SESTD1: variants seen among roughly 807,000 people sequenced by gnomAD.
SESTD1 encodes SEC14 and spectrin domain containing 1, also known as SEC14 domain and spectrin repeat-containing protein 1.
In SESTD1, 43 loss-of-function variants were observed where a neutral mutation model predicts 101.7. That is an observed-to-expected ratio of 0.42 (90% CI 0.33 to 0.55). The LOEUF is 0.55. Among genes scored for constraint, SESTD1 ranks in the 20% least tolerant of loss-of-function variants. SESTD1 has a pLI of 0.07. For synonymous variants in SESTD1, 283 were observed against 286.8 expected, an observed-to-expected ratio of 0.99 and a Z score of 0.13; for missense variants, 647 against 815.1, an observed-to-expected ratio of 0.79 and a Z score of 2.51.
At position 179,230,113 on chromosome 2, in the gene SESTD1, CT is replaced by C. The variant is rs71023474; in HGVS notation, c.-26+34385del. Among the ~76,000 whole-genome samples, 426 of 56,428 alleles carry C rather than the reference CT, an allele frequency of 7.5e-3. 26 individuals are homozygous for C. Among genetic ancestry groups the C allele is most frequent in the South Asian group, 0.015 (24 of 1,552 alleles). The allele number at this position is 56,428 out of a possible 152,430, so 37.0% of individuals were successfully genotyped here. A position where few individuals can be genotyped will look rare whatever the true frequency, so the allele number is the denominator to read the frequency against. Reference sequence around the variant, plus strand: ...AAATATTCCAAACTGGATTGTATCTCTTTTTTTTTTTTTTTTTTTTTTTTTT... The same window carrying C: ...AAATATTCCAAACTGGATTGTATCTCTTTTTTTTTTTTTTTTTTTTTTTTT... On this transcript the variant is annotated intron_variant, in intron 1 of 17. Transcript: ENST00000428443.
chr2:179,112,649 T>G, intron 17 of SESTD1, 75 bp downstream of exon 17: 1 of 1,458,698 alleles, frequency 6.9e-7, no homozygotes. Flanking sequence ...TTTTAAAGAA[T>G]AGATTTCCTC....
At chr2:179,154,746 A>G (rs570670545) in intron 5 of SESTD1, among the ~76,000 whole-genome samples, 2 of 152,324 alleles carry the variant, frequency 1.3e-5, no homozygotes, top group East Asian at 3.9e-4. Flanking sequence ...AAAAATGTAT[A>G]CGAGAAAGAG....
chr2:179,178,720 G>A (rs2046054484), intron 3 of SESTD1, among the ~76,000 whole-genome samples: 2 of 152,160 alleles, frequency 1.3e-5, no homozygotes, highest in Admixed American at 1.3e-4. Context: ...CTAAGACACA[G>A]CAGTCCAGGA....
At chr2:179,116,940 G>C (rs2044646449) in intron 14 of SESTD1, 150 bp from the exon 15 acceptor site, 1 of 1,124,226 alleles carries the variant, frequency 8.9e-7, no homozygotes, top group Non-Finnish European at 1.2e-6. Flanking sequence ...TCAATGATAA[G>C]CTACATGAAT....
intron 2 of SESTD1, among the ~76,000 whole-genome samples, chr2:179,189,953 T>C (rs1449888384): frequency 6.6e-6 from 1 of 152,026 alleles, no homozygotes; most frequent in Non-Finnish European, 1.5e-5. Context: ...CATCGTCATA[T>C]TTAAAATGTT....
intron 15 of SESTD1, 146 bp downstream of exon 15, chr2:179,116,522 A>C: frequency 7.8e-7 from 1 of 1,289,524 alleles, no homozygotes; most frequent in Non-Finnish European, 1.1e-6. Flanking sequence ...GTTTTGATGC[A>C]CCAGCTGACA....
At chr2:179,259,327 G>A (rs2047447068) in intron 1 of SESTD1, among the ~76,000 whole-genome samples, 1 of 152,098 alleles carries the variant, frequency 6.6e-6, no homozygotes, top group Admixed American at 6.6e-5. Context: ...CACCTCCCGG[G>A]TTCAAGCAAT....
intron 1 of SESTD1, among the ~76,000 whole-genome samples, chr2:179,201,918 TATA>T (rs147660848): frequency 0.48 from 49,109 of 103,176 alleles, 15,950 homozygotes; most frequent in East Asian, 0.66. Context: ...AAACTTAAAG[TATA>T]ATAATAATAA....
rs1018573754 is a variant in SESTD1, at chr2:179,211,182, C to T, written c.-25-19316G>A. ...TCATAGACACAAACAAATGGAAACA[C>T]ATCCCATGCTCACGGATGGATAGAA... On this transcript the variant is annotated intron_variant, in intron 1 of 17. Coordinates refer to ENST00000428443, the MANE Select transcript of SESTD1 (RefSeq NM_178123.5). 3.7e-5 allele frequency among the ~76,000 whole-genome samples: 5 copies of T among 133,512 alleles called. 2 individuals are homozygous for T. Among genetic ancestry groups the T allele is most frequent in the African/African-American group, 5.9e-5 (2 of 33,706 alleles). The allele number at this position is 133,512 out of a possible 152,430, so 87.6% of individuals were successfully genotyped here. A position where few individuals can be genotyped will look rare whatever the true frequency, so the allele number is the denominator to read the frequency against.
intron 1 of SESTD1, among the ~76,000 whole-genome samples, chr2:179,237,219 A>C (rs996078715): frequency 1.4e-5 from 2 of 146,682 alleles, no homozygotes; most frequent in Non-Finnish European, 3.1e-5. Context: ...ATCTATATGA[A>C]AGCTTCTGTG....
At chr2:179,167,502 G>T (rs1348646739) in intron 5 of SESTD1, among the ~76,000 whole-genome samples, 1 of 152,130 alleles carries the variant, frequency 6.6e-6, no homozygotes, top group East Asian at 1.9e-4. Context: ...ATTGATGACA[G>T]ACATCAAACC....
rs532316477 is a variant in SESTD1 at position 179,188,904 on chromosome 2, A to G, written c.55+2883T>C. Among the ~76,000 whole-genome samples the G allele has an allele frequency of 2.6e-5, 4 of 152,280 alleles. No individual in the cohort carries two copies. In the South Asian group the frequency reaches 8.3e-4, roughly 32 times the overall value. Reference sequence around the variant, plus strand: ...AGAAACTGAAGCCCTCAACAGCCCAATATTGAGTTCTAAAACTGAATTGGT... The same window carrying G: ...AGAAACTGAAGCCCTCAACAGCCCAGTATTGAGTTCTAAAACTGAATTGGT... On this transcript the variant is annotated intron_variant, in intron 2 of 17. Transcript: ENST00000428443.
At chr2:179,196,136 T>A (rs181946549) in intron 1 of SESTD1, among the ~76,000 whole-genome samples, 27 of 152,348 alleles carry the variant, frequency 1.8e-4, no homozygotes, top group African/African-American at 6.5e-4. Flanking sequence ...AGGCATTGCC[T>A]CACGCAGGAA....
chr2:179,221,694 G>A lies in SESTD1; in HGVS notation c.-25-29828C>T, dbSNP rs1006351498. Among the ~76,000 whole-genome samples the A allele has an allele frequency of 2.0e-5, 3 of 151,204 alleles. No homozygotes were observed. The South Asian group carries it at 6.3e-4, about 32-fold the overall frequency. On this transcript the variant is annotated intron_variant, in intron 1 of 17. Coordinates refer to ENST00000428443, the MANE Select transcript of SESTD1 (RefSeq NM_178123.5). Reference sequence around the variant, plus strand: ...GCACTTCGGAAGACCAAGGTGAGAGGACTGTATGAGCCTACGAGTTTGAGA... The same window carrying A: ...GCACTTCGGAAGACCAAGGTGAGAGAACTGTATGAGCCTACGAGTTTGAGA...
chr2:179,121,125 G>GGAAGCTTT (rs1482893279), intron 13 of SESTD1, among the ~76,000 whole-genome samples: 1 of 152,006 alleles, frequency 6.6e-6, no homozygotes, highest in Non-Finnish European at 1.5e-5. Context: ...TGATGCAGAA[G>GGAAGCTTT]GAAGCTTTCT....
chr2:179,118,151 C>T (rs1029642248), intron 13 of SESTD1, among the ~76,000 whole-genome samples: 5 of 152,070 alleles, frequency 3.3e-5, no homozygotes, highest in Non-Finnish European at 5.9e-5. Context: ...AACATTTAAA[C>T]ATTAACGCTT....
chr2:179,116,053 C>T (rs1362517231), intron 15 of SESTD1, among the ~76,000 whole-genome samples: 1 of 151,746 alleles, frequency 6.6e-6, no homozygotes, highest in African/African-American at 2.4e-5. Flanking sequence ...GCGGGTGGAT[C>T]GCTTGAGGTC....
intron 1 of SESTD1, among the ~76,000 whole-genome samples, chr2:179,251,469 C>A (rs764250370): frequency 3.3e-5 from 5 of 152,158 alleles, no homozygotes; most frequent in Non-Finnish European, 7.4e-5. Flanking sequence ...TAAGGAGGGC[C>A]AGGTTCTGTC....
Position 179,140,457 on chromosome 2 carries a change from G to A in SESTD1, c.849+3135C>T, listed in dbSNP as rs570867982. Among the ~76,000 whole-genome samples, 3 of 152,126 alleles carry A rather than the reference G, an allele frequency of 2.0e-5. No individual in the cohort carries two copies. The East Asian group carries it at 5.8e-4, about 29-fold the overall frequency. On this transcript the variant is annotated intron_variant, in intron 9 of 17. Coordinates refer to ENST00000428443, the MANE Select transcript of SESTD1 (RefSeq NM_178123.5). ...AAGATGGCCATCGTCAAGTCAAGGA[G>A]AGAGGCTGGAACAGAGCATTCCCTC...
Sources: gnomAD v4.1 joint callset for allele counts (sites outside exome capture counted in the v4.1 genomes callset) on GRCh38, gnomAD v4.1.1 for gene constraint, MANE v1.5 for transcripts, NCBI Gene and HGNC (gene_info 2026-07-23, HGNC 2026-07-21) for gene names.